The following CDH6 variants were observed in gnomAD, a reference collection of about 807,000 sequenced individuals.
CDH6 encodes cadherin 6.
Under a neutral mutation model 78.0 loss-of-function variants are expected in CDH6, and 31 were observed. The ratio of observed to expected loss-of-function variants is 0.40; its 90% CI spans 0.30 to 0.54. The LOEUF (loss-of-function observed/expected upper bound fraction) is 0.54. Ranked by LOEUF, CDH6 falls within the 20% of genes least tolerant of loss-of-function variation. The pLI is 0.56. For missense variants in CDH6, 724 were observed against 975.9 expected, an observed-to-expected ratio of 0.74 and a Z score of 3.44; for synonymous variants, 376 against 368.8, an observed-to-expected ratio of 1.02 and a Z score of -0.23.
chr5:31,296,584 T>C (rs1015431539), intron 3 of CDH6, among the ~76,000 whole-genome samples: 2 of 152,190 alleles, frequency 1.3e-5, no homozygotes, highest in Non-Finnish European at 2.9e-5. Flanking sequence ...AGTTTCAAGG[T>C]CTTTCAACCG....
At chr5:31,217,695 G>A (rs994797947) in intron 1 of CDH6, among the ~76,000 whole-genome samples, 1 of 152,116 alleles carries the variant, frequency 6.6e-6, no homozygotes, top group South Asian at 2.1e-4. Context: ...AACTGATGTT[G>A]AGGGGGTGAA....
At chr5:31,274,329 A>G (rs1188927321) in intron 2 of CDH6, among the ~76,000 whole-genome samples, 1 of 152,208 alleles carries the variant, frequency 6.6e-6, no homozygotes, top group Non-Finnish European at 1.5e-5. Flanking sequence ...CTCTGTGCAC[A>G]GTAGCTCATG....
intron 7 of CDH6, among the ~76,000 whole-genome samples, chr5:31,305,985 T>C (rs1200878054): frequency 2.0e-5 from 3 of 152,224 alleles, no homozygotes; most frequent in Non-Finnish European, 2.9e-5. Flanking sequence ...AGGAGTTTAC[T>C]GCTTAAGTAG....
chr5:31,198,068 A>C (rs1740219021), intron 1 of CDH6, among the ~76,000 whole-genome samples: 1 of 152,166 alleles, frequency 6.6e-6, no homozygotes, highest in Non-Finnish European at 1.5e-5. Flanking sequence ...GAAGTGGTGC[A>C]TTCAAAATTA....
chr5:31,208,659 T>C (rs1265251544), intron 1 of CDH6, among the ~76,000 whole-genome samples: 1 of 152,238 alleles, frequency 6.6e-6, no homozygotes, highest in Non-Finnish European at 1.5e-5. Flanking sequence ...TGATAAACTT[T>C]GCTTATCTTT....
intron 3 of CDH6, among the ~76,000 whole-genome samples, chr5:31,295,347 G>A (rs1737554944): frequency 6.6e-6 from 1 of 151,976 alleles, no homozygotes; most frequent in African/African-American, 2.4e-5. Context: ...TCCTCTACGT[G>A]GTAAAAGGCA....
Position 31,265,769 on chromosome 5 carries a change from G to GTTTTTT in CDH6, c.-128-1559_-128-1554dup, listed in dbSNP as rs35184792. Among the ~76,000 whole-genome samples the GTTTTTT allele has an allele frequency of 1.3e-3, 102 of 78,424 alleles. 1 individual carries two copies. Among genetic ancestry groups the GTTTTTT allele is most frequent in the Middle Eastern group, 0.016 (1 of 62 alleles). The allele number at this position is 78,424 out of a possible 152,430, so 51.4% of individuals were successfully genotyped here. ...TGTTGTTAGTATTATTTAAGACAAT[G>GTTTTTT]TTTTTTTTTTTTTTTTTTTTTTTGA... On this transcript the variant is annotated intron_variant, in intron 1 of 11. Transcript: ENST00000265071.
chr5:31,212,442 A>G (rs1267733188), intron 1 of CDH6, among the ~76,000 whole-genome samples: 3 of 152,054 alleles, frequency 2.0e-5, no homozygotes, highest in Non-Finnish European at 4.4e-5. Flanking sequence ...AATTCTACTC[A>G]CTGAAACGTG....
At chr5:31,242,707 G>GT (rs1219140987) in intron 1 of CDH6, among the ~76,000 whole-genome samples, 4 of 150,506 alleles carry the variant, frequency 2.7e-5, no homozygotes, top group African/African-American at 9.8e-5. Context: ...AGAATGGGGG[G>GT]GGGCGGTTAG....
At chr5:31,318,263 G>A (rs1250919022) in intron 11 of CDH6, 8 of 560,606 alleles carry the variant, frequency 1.4e-5, no homozygotes, top group East Asian at 2.9e-5. Flanking sequence ...CTTGGAAAAC[G>A]TTGTTAAGTG....
chr5:31,294,012 A>G lies in CDH6; in HGVS notation c.279A>G (p.Ser93=). 6.2e-7 allele frequency: 1 copy of G among 1,612,784 alleles called. No homozygotes were observed. The highest frequency in any genetic ancestry group is 1.1e-5 in the South Asian group (1 of 91,044). ...ATGGATCACTTAAATATATCCTTTC[A>G]GGAGATGGAGCAGGAGATCTCTTCA... The part of the protein sequence containing the change: ...RGDGSLKYIL[S]GDGAGDLFII... Residue 93 remains serine (S), a synonymous_variant, in exon 3 of 12, where the codon TCA becomes TCG. Coordinates refer to ENST00000265071, the MANE Select transcript of CDH6 (RefSeq NM_004932.4). This position sits in a 1 kb window ranked among gnomAD's most constrained non-coding sequence, Gnocchi z 4.1.
Position 31,200,442 on chromosome 5 carries a change from T to C in CDH6, c.-129+6556T>C, listed in dbSNP as rs141758952. On this transcript the variant is annotated intron_variant, in intron 1 of 11. Transcript: ENST00000265071. ...TGGGTAGAGCTAAGTAAGATAGTGT[T>C]TGTGTCCTTCTTCATCTAGTAAGTA... Among the ~76,000 whole-genome samples, 404 of 152,104 alleles carry C rather than the reference T, an allele frequency of 2.7e-3. 4 individuals are homozygous for C. In the Middle Eastern group the frequency reaches 0.034, roughly 13 times the overall value.
In CDH6 at chr5:31,294,155, C is replaced by T. The variant is rs1737508756; in HGVS notation, c.422C>T (p.Pro141Leu). The T allele has an allele frequency of 6.2e-6, 10 of 1,613,676 alleles. No individual in the cohort carries two copies. Among genetic ancestry groups the T allele is most frequent in the South Asian group, 3.3e-5 (3 of 91,048 alleles). The change falls in exon 3 of 12, where the codon CCC becomes CTC. Residue 141 changes from proline to leucine, a missense_variant. Physicochemically the swap from Pro to Leu is moderately conservative, Grantham distance 98. Transcript: ENST00000265071. This position sits in a 1 kb window ranked among gnomAD's most constrained non-coding sequence, Gnocchi z 4.1. ...INRRTGRPVEPESEFIIKIHD... is the reference protein window; with the variant it reads ...INRRTGRPVELESEFIIKIHD... ...AGAAGGACAGGGAGACCCGTGGAGC[C>T]CGAGTCTGAATTCATCATCAAGATC...
intron 1 of CDH6, among the ~76,000 whole-genome samples, chr5:31,254,812 G>A (rs903772581): frequency 1.3e-5 from 2 of 152,138 alleles, no homozygotes; most frequent in African/African-American, 2.4e-5. Flanking sequence ...ATCTTAGAAA[G>A]ACTGATTTCA....
chr5:31,292,180 T>G (rs1411744870), intron 2 of CDH6, among the ~76,000 whole-genome samples: 1 of 152,230 alleles, frequency 6.6e-6, no homozygotes, highest in Non-Finnish European at 1.5e-5. Context: ...AATTAGTTCA[T>G]GTTTCCCAAA....
intron 1 of CDH6, among the ~76,000 whole-genome samples, chr5:31,253,738 G>A (rs1406008053): frequency 6.6e-6 from 1 of 151,846 alleles, no homozygotes; most frequent in Non-Finnish European, 1.5e-5. Flanking sequence ...ATAAACCTGT[G>A]GAGCCTTAGA....
intron 6 of CDH6, among the ~76,000 whole-genome samples, chr5:31,302,859 A>G (rs1423466337): frequency 6.8e-6 from 1 of 148,044 alleles, no homozygotes; most frequent in African/African-American, 2.5e-5. Context: ...AAAGAGAAAG[A>G]AAGGAAGAAA....
At chr5:31,209,412 G>A (rs1216754264) in intron 1 of CDH6, among the ~76,000 whole-genome samples, 5 of 152,168 alleles carry the variant, frequency 3.3e-5, no homozygotes, top group South Asian at 2.1e-4. Flanking sequence ...CTGGTTTAGG[G>A]CATCCTCTCC....
intron 1 of CDH6, among the ~76,000 whole-genome samples, chr5:31,233,503 G>A (rs1741371897): frequency 8.7e-6 from 1 of 114,400 alleles, no homozygotes; most frequent in Admixed American, 1.0e-4. Context: ...TGACAGAGTG[G>A]GACTCTGTCT....
Sources: allele counts gnomAD v4.1 joint callset (sites outside exome capture counted in the v4.1 genomes callset), GRCh38; gene constraint gnomAD v4.1.1; non-coding constraint Gnocchi (gnomAD v3.1); transcripts MANE v1.5; gene names NCBI Gene and HGNC (gene_info 2026-07-23, HGNC 2026-07-21).